The following DOCK2 variants were observed in gnomAD, a reference collection of about 807,000 sequenced individuals.
DOCK2 encodes dedicator of cytokinesis 2.
Under a neutral mutation model 248.9 loss-of-function variants are expected in DOCK2, and 87 were observed. The ratio of observed to expected loss-of-function variants is 0.35; its 90% confidence interval spans 0.29 to 0.42. The LOEUF (loss-of-function observed/expected upper bound fraction) is 0.42, where lower values mean the gene tolerates loss of function less well. DOCK2 is among the 10% of genes least tolerant of loss of function. The pLI, the probability that DOCK2 is intolerant of heterozygous loss-of-function variation, is 1.00. For synonymous variants in DOCK2, 805 were observed against 821.6 expected, an observed-to-expected ratio of 0.98 and a Z score of 0.35; for missense variants, 1,747 against 2,300.2, an observed-to-expected ratio of 0.76 and a Z score of 4.92.
intron 25 of DOCK2, among the ~76,000 whole-genome samples, chr5:169,797,175 C>T (rs1045879668): frequency 1.3e-5 from 2 of 152,138 alleles, no homozygotes; most frequent in Non-Finnish European, 2.9e-5. Context: ...TGGGGGTGTC[C>T]TCACTCTTGA....
intron 15 of DOCK2, among the ~76,000 whole-genome samples, chr5:169,708,834 G>A (rs895317547): frequency 2.6e-5 from 4 of 152,154 alleles, no homozygotes; most frequent in Middle Eastern, 3.2e-3. Flanking sequence ...CAAAGTACTG[G>A]GATTATGGGC....
intron 36 of DOCK2, among the ~76,000 whole-genome samples, chr5:170,040,446 C>CTACA (rs1295048525): frequency 1.3e-5 from 2 of 152,198 alleles, no homozygotes; most frequent in Non-Finnish European, 2.9e-5. Context: ...AGCTCAAGGT[C>CTACA]TACATATGAA....
At chr5:169,829,187 T>G (rs1320814729) in intron 26 of DOCK2, among the ~76,000 whole-genome samples, 2 of 152,128 alleles carry the variant, frequency 1.3e-5, no homozygotes, top group Non-Finnish European at 2.9e-5. Flanking sequence ...ATATCTAGGA[T>G]GGCTTTCTGG....
intron 27 of DOCK2, among the ~76,000 whole-genome samples, chr5:169,961,053 C>T (rs1034465543): frequency 6.6e-6 from 1 of 152,092 alleles, no homozygotes; most frequent in African/African-American, 2.4e-5. Flanking sequence ...TGGTAAACAC[C>T]CCAGTATATT....
intron 22 of DOCK2, among the ~76,000 whole-genome samples, chr5:169,721,140 C>T (rs1762181097): frequency 6.6e-6 from 1 of 152,238 alleles, no homozygotes; most frequent in Admixed American, 6.5e-5. Flanking sequence ...TCTTGCAGAA[C>T]CCCTAACTCT....
In DOCK2 at chr5:169,695,644, A is replaced by AGCCT. The variant is rs373334498; in HGVS notation, c.844-158_844-155dup. 1.6e-3 allele frequency among the ~76,000 whole-genome samples: 243 copies of AGCCT among 152,334 alleles called. 2 individuals carry two copies. The highest frequency in any genetic ancestry group is 5.6e-3 in the African/African-American group (232 of 41,566). The stretch of plus-strand genomic sequence containing the variant: ...TGCTTATCTGTGAAATGGATGTGAG[A>AGCCT]GCCTTGTTTCTATCTTTTCCAGGAC... On this transcript the variant is annotated intron_variant, in intron 9 of 51. Coordinates refer to ENST00000520908, the MANE Select transcript of DOCK2 (RefSeq NM_004946.3).
chr5:169,971,233 A>G (rs1777495251), intron 27 of DOCK2, among the ~76,000 whole-genome samples: 1 of 152,094 alleles, frequency 6.6e-6, no homozygotes, highest in South Asian at 2.1e-4. Flanking sequence ...TTGCAAACCA[A>G]TGAATCAATG....
intron 27 of DOCK2, among the ~76,000 whole-genome samples, chr5:169,929,936 C>A (rs962433680): frequency 6.6e-6 from 1 of 152,092 alleles, no homozygotes; most frequent in Admixed American, 6.6e-5. Context: ...ACATATTAAA[C>A]ATTGAAATAG....
At chr5:169,902,662 G>T (rs1773994397) in intron 27 of DOCK2, among the ~76,000 whole-genome samples, 1 of 152,206 alleles carries the variant, frequency 6.6e-6, no homozygotes, top group Non-Finnish European at 1.5e-5. Context: ...GTTCCACAGA[G>T]AGGGAAGCCT....
At chr5:169,835,104 T>G (rs1769478404) in intron 26 of DOCK2, among the ~76,000 whole-genome samples, 1 of 152,156 alleles carries the variant, frequency 6.6e-6, no homozygotes, top group African/African-American at 2.4e-5. Context: ...CATCATAGTT[T>G]ACAACTTGGA....
intron 22 of DOCK2, among the ~76,000 whole-genome samples, chr5:169,730,525 G>C (rs955438879): frequency 6.6e-6 from 1 of 152,172 alleles, no homozygotes; most frequent in Middle Eastern, 3.2e-3. Context: ...AAAAACGCTT[G>C]TATGGCAGGT....
At chr5:169,658,330 A>G (rs189111591) in intron 2 of DOCK2, among the ~76,000 whole-genome samples, 26 of 152,052 alleles carry the variant, frequency 1.7e-4, no homozygotes, top group Non-Finnish European at 3.2e-4. Context: ...AATACAAAAA[A>G]TTAGCCGGGC....
chr5:170,057,685 TG>T lies in DOCK2; in HGVS notation c.4467+21del. On this transcript the variant is annotated intron_variant, in intron 44 of 51. Transcript: ENST00000520908. ...GTCGCAGGTGAGTCTGGGACATTCG[TG>T]GCAGGGCCACCCTTCCTCCGATGGG... 3.2e-6 allele frequency: 5 copies of T among 1,587,060 alleles called. No individual in the cohort carries two copies. The highest frequency in any genetic ancestry group is 4.3e-6 in the Non-Finnish European group (5 of 1,164,164).
chr5:170,081,964 A>G lies in DOCK2; in HGVS notation c.5410A>G (p.Asn1804Asp). 6.2e-7 allele frequency: 1 copy of G among 1,614,128 alleles called. No homozygotes were observed. The highest frequency in any genetic ancestry group is 1.1e-5 in the South Asian group (1 of 91,078). ...GAAGACACTCACACGGAAGAAGGTC[A>G]ATCAGTTCTTCAAGACAATGGTGAG... ...DKKTLTRKKV[N>D]QFFKTMLASK... Residue 1804 changes from asparagine to aspartate, a missense_variant, in exon 51 of 52, where the codon AAT becomes GAT. Physicochemically the swap from Asn to Asp is conservative, Grantham distance 23. This residue lies in a region of DOCK2 where 513 missense variants were observed against 586.1 expected (regional missense o/e 0.88). Transcript: ENST00000520908.
At chr5:169,709,246 G>A (rs1034452432) in intron 15 of DOCK2, among the ~76,000 whole-genome samples, 3 of 152,158 alleles carry the variant, frequency 2.0e-5, no homozygotes, top group African/African-American at 4.8e-5. Context: ...CAGTCTAATT[G>A]GTAGTGGCAG....
intron 1 of DOCK2, among the ~76,000 whole-genome samples, chr5:169,652,184 T>C (rs2113162226): frequency 6.6e-6 from 1 of 152,278 alleles, no homozygotes; most frequent in South Asian, 2.1e-4. Flanking sequence ...TTTGTGTGGA[T>C]TACAAAAAGA....
At chr5:170,017,097 T>G (rs1219829925) in intron 32 of DOCK2, among the ~76,000 whole-genome samples, 1 of 152,178 alleles carries the variant, frequency 6.6e-6, no homozygotes, top group East Asian at 1.9e-4. Context: ...TATTTTAATC[T>G]GAATCCTGGG....
At chr5:169,654,777 T>C (rs1340284504) in intron 2 of DOCK2, among the ~76,000 whole-genome samples, 1 of 152,220 alleles carries the variant, frequency 6.6e-6, no homozygotes, top group Non-Finnish European at 1.5e-5. Flanking sequence ...TCTTTATTAG[T>C]ATTAATATCA....
intron 25 of DOCK2, among the ~76,000 whole-genome samples, chr5:169,791,729 A>G (rs759488740): frequency 6.6e-6 from 1 of 152,224 alleles, no homozygotes; most frequent in Non-Finnish European, 1.5e-5. Flanking sequence ...GGTGAGCTAC[A>G]TGGAGCTCCT....
Sources: allele counts gnomAD v4.1 joint callset (sites outside exome capture counted in the v4.1 genomes callset), GRCh38; gene constraint gnomAD v4.1.1; regional missense constraint gnomAD v4.1.1; transcripts MANE v1.5; gene names NCBI Gene and HGNC (gene_info 2026-07-23, HGNC 2026-07-21).